Variants in THEMIS observed in about 807,000 individuals in gnomAD.
THEMIS encodes protein THEMIS.
Under a neutral mutation model 52.6 loss-of-function variants are expected in THEMIS, and 37 were observed. The observed-to-expected ratio is 0.70, with a 90% CI of 0.54 to 0.93. The LOEUF (loss-of-function observed/expected upper bound fraction) is 0.93. Among genes scored for constraint, THEMIS ranks in the 40% least tolerant of loss-of-function variants. The pLI is 0.00. For missense variants in THEMIS, 808 were observed against 763.1 expected (o/e 1.06, Z -0.69); for synonymous variants, 292 against 272.7 (o/e 1.07, Z -0.70).
chr6:127,700,242 G>A, the THEMIS span, among the ~76,000 whole-genome samples: 2 of 151,762 alleles, frequency 1.3e-5, no homozygotes, highest in African/African-American at 2.4e-5. Flanking sequence ...ATTAGCCTAT[G>A]AGCACTATAA....
chr6:127,864,082 G>T (rs534322513), intron 1 of THEMIS, among the ~76,000 whole-genome samples: 1 of 152,180 alleles, frequency 6.6e-6, no homozygotes, highest in East Asian at 1.9e-4. Context: ...GGAGATAATT[G>T]TCTTGACAAG....
intron 1 of THEMIS, among the ~76,000 whole-genome samples, chr6:127,879,372 A>T (rs967836175): frequency 6.6e-6 from 1 of 152,162 alleles, no homozygotes. Flanking sequence ...GCATCCTGAC[A>T]GGTATTAGGT....
the THEMIS span, among the ~76,000 whole-genome samples, chr6:127,699,930 A>G: frequency 9.9e-4 from 151 of 152,056 alleles, no homozygotes; most frequent in African/African-American, 3.5e-3. Context: ...ACACACAAAC[A>G]TGATCCATAA....
intron 4 of THEMIS, among the ~76,000 whole-genome samples, chr6:127,767,119 T>G (rs1776226903): frequency 6.6e-6 from 1 of 151,034 alleles, no homozygotes; most frequent in Admixed American, 6.6e-5. Flanking sequence ...GGAGATGGAG[T>G]CTCGCTCTGT....
At chr6:127,842,870 A>G (rs997650662) in intron 2 of THEMIS, among the ~76,000 whole-genome samples, 2 of 151,820 alleles carry the variant, frequency 1.3e-5, no homozygotes, top group African/African-American at 2.4e-5. Context: ...GTCAAAGACA[A>G]CCTCTGAGAC....
rs552714962 is a variant in THEMIS at position 127,777,340 on chromosome 6, A to C, written c.1758+35543T>G. ...CTTTTAGAGGTTGCTTTAGGTTTACAATATTGGTTTGTAATTTGTGGCAGA... is the reference window on the plus strand; with the variant it reads ...CTTTTAGAGGTTGCTTTAGGTTTACCATATTGGTTTGTAATTTGTGGCAGA... On this transcript the variant is annotated intron_variant, in intron 4 of 5. Coordinates refer to ENST00000368248, the MANE Select transcript of THEMIS (RefSeq NM_001010923.3). Among the ~76,000 whole-genome samples the C allele has an allele frequency of 3.4e-3, 513 of 152,244 alleles. 2 individuals carry two copies. Among genetic ancestry groups the C allele is most frequent in the Non-Finnish European group, 5.1e-3 (350 of 68,006 alleles).
At chr6:127,901,672 T>C (rs1363127060), upstream of THEMIS, among the ~76,000 whole-genome samples, 1 of 152,084 alleles carries the variant, frequency 6.6e-6, no homozygotes, top group Non-Finnish European at 1.5e-5. Context: ...GTAGAAAGTA[T>C]TAAAATTACT....
intron 1 of THEMIS, among the ~76,000 whole-genome samples, chr6:127,895,586 G>T (rs1191147509): frequency 6.6e-6 from 1 of 151,322 alleles, no homozygotes; most frequent in African/African-American, 2.4e-5. Context: ...ACTAGCCTAG[G>T]ATACATAAGA....
intron 1 of THEMIS, among the ~76,000 whole-genome samples, chr6:127,908,239 A>G (rs1388188603): frequency 6.6e-6 from 1 of 152,072 alleles, no homozygotes; most frequent in African/African-American, 2.4e-5. Context: ...TATGCTTGTC[A>G]TTATACAAGG....
intron 1 of THEMIS, among the ~76,000 whole-genome samples, chr6:127,868,671 G>A (rs941605781): frequency 1.3e-5 from 2 of 152,088 alleles, no homozygotes; most frequent in Non-Finnish European, 2.9e-5. Flanking sequence ...GTGTATAGAT[G>A]TATCTGTCAT....
intron 4 of THEMIS, among the ~76,000 whole-genome samples, chr6:127,747,363 A>G (rs1775483179): frequency 6.9e-6 from 1 of 144,830 alleles, no homozygotes; most frequent in Admixed American, 7.0e-5. Flanking sequence ...GATATATAAT[A>G]TAATATTATA....
chr6:127,811,642 T>C (rs1777910881), intron 4 of THEMIS, among the ~76,000 whole-genome samples: 1 of 152,202 alleles, frequency 6.6e-6, no homozygotes, highest in Admixed American at 6.5e-5. Flanking sequence ...TATAAATATT[T>C]GAGTGAGGGG....
At chr6:127,716,697 C>G (rs1470629641) in intron 5 of THEMIS, among the ~76,000 whole-genome samples, 1 of 151,942 alleles carries the variant, frequency 6.6e-6, no homozygotes, top group African/African-American at 2.4e-5. Context: ...ACCCAGGGAA[C>G]TGGATGCAAC....
chr6:127,708,640 TCC>T lies in THEMIS; in HGVS notation c.*1343_*1344del, dbSNP rs1773871347. ...GGCAAAATAAATAAAAGAAAAACTG[TCC>T]CATAAAACTTTAGACATTGTAGATA... is the stretch of plus-strand genomic sequence containing the variant. On this transcript the variant is annotated 3_prime_UTR_variant, in exon 6 of 6. Transcript: ENST00000368248. 1 of 152,008 alleles carries T rather than the reference TCC, an allele frequency of 6.6e-6. No individual in the cohort carries two copies. Among genetic ancestry groups the T allele is most frequent in the Non-Finnish European group, 1.5e-5 (1 of 67,978 alleles). 9.4% of individuals were successfully genotyped at this position (152,008 alleles called of 1,614,324 possible).
chr6:127,829,400 T>C (rs1412992573), intron 3 of THEMIS, 76 bp downstream of exon 3: 14 of 1,213,610 alleles, frequency 1.2e-5, no homozygotes, highest in Middle Eastern at 2.0e-4. Context: ...CTCCCATTCT[T>C]CAGGCTCTAA....
At position 127,856,232 on chromosome 6, in the gene THEMIS, G is replaced by A. The variant is rs762107743; in HGVS notation, c.92-1044C>T. Among the ~76,000 whole-genome samples, 19 of 151,900 alleles carry A rather than the reference G, an allele frequency of 1.3e-4. 1 individual carries two copies. Among genetic ancestry groups the A allele is most frequent in the Non-Finnish European group, 2.4e-4 (16 of 67,950 alleles). On this transcript the variant is annotated intron_variant, in intron 1 of 5. Transcript: ENST00000368248. ...CTCATAGAATTGTTCCTGATATGTAGCATGCACCTAGAACATTTTTATGGT... is the reference window on the plus strand; with the variant it reads ...CTCATAGAATTGTTCCTGATATGTAACATGCACCTAGAACATTTTTATGGT...
chr6:127,884,925 C>G (rs1780600473), intron 1 of THEMIS, among the ~76,000 whole-genome samples: 1 of 152,084 alleles, frequency 6.6e-6, no homozygotes, highest in Non-Finnish European at 1.5e-5. Flanking sequence ...CGCATGTGTG[C>G]ATGTTTACAG....
At chr6:127,886,639 C>T (rs887660754) in intron 1 of THEMIS, among the ~76,000 whole-genome samples, 1 of 152,080 alleles carries the variant, frequency 6.6e-6, no homozygotes, top group Non-Finnish European at 1.5e-5. Flanking sequence ...GTTTATGAGG[C>T]TTTCCACACA....
chr6:127,786,432 C>G (rs1353164394), intron 4 of THEMIS, among the ~76,000 whole-genome samples: 1 of 151,978 alleles, frequency 6.6e-6, no homozygotes, highest in Admixed American at 6.6e-5. Context: ...AGCATAGAAC[C>G]AAAATTTGGG....
Sources: gnomAD v4.1 joint callset for allele counts (sites outside exome capture counted in the v4.1 genomes callset) on GRCh38, gnomAD v4.1.1 for gene constraint, MANE v1.5 for transcripts, NCBI Gene and HGNC (gene_info 2026-07-23, HGNC 2026-07-21) for gene names.